Variants in WDR26 observed in about 807,000 individuals in gnomAD.
The protein encoded by WDR26 is WD repeat-containing protein 26.
A neutral mutation model predicts 84.1 loss-of-function variants in WDR26; 5 were observed. That is an observed-to-expected ratio of 0.06 (90% confidence interval 0.03 to 0.13). The LOEUF (loss-of-function observed/expected upper bound fraction) is 0.13, where lower values mean the gene tolerates loss of function less well. Ranked by LOEUF, WDR26 falls within the 10% of genes least tolerant of loss-of-function variation. The probability of loss-of-function intolerance (pLI) is 1.00; values close to 1 mark genes in which losing one functional copy is unlikely to be tolerated. For missense variants in WDR26, 642 were observed against 974.9 expected, an observed-to-expected ratio of 0.66 and a Z score of 4.55; for synonymous variants, 415 against 389.6, an observed-to-expected ratio of 1.07 and a Z score of -0.77.
chr1:224,416,657 TC>T (rs1300812227), intron 6 of WDR26, among the ~76,000 whole-genome samples: 1 of 152,210 alleles, frequency 6.6e-6, no homozygotes, highest in Admixed American at 6.5e-5. Context: ...TTGGTCATGT[TC>T]CCATAGATTC....
intron 12 of WDR26, chr1:224,397,821 G>T: frequency 2.9e-6 from 1 of 347,372 alleles, no homozygotes; most frequent in South Asian, 4.1e-5. Context: ...ACACTGCTAC[G>T]TGGTCAGAAT....
chr1:224,403,716 C>A (rs1673480471), intron 8 of WDR26, among the ~76,000 whole-genome samples: 1 of 152,210 alleles, frequency 6.6e-6, no homozygotes, highest in Non-Finnish European at 1.5e-5. Context: ...GCAGGCGGAT[C>A]ACTTTAGGTG....
intron 6 of WDR26, chr1:224,412,938 C>T (rs1335177120): frequency 6.5e-6 from 1 of 154,224 alleles, no homozygotes; most frequent in Non-Finnish European, 1.4e-5. Context: ...CGTGTAATCC[C>T]AGCACTTTGG....
intron 13 of WDR26, among the ~76,000 whole-genome samples, chr1:224,392,097 C>T (rs1673143997): frequency 6.6e-6 from 1 of 152,126 alleles, no homozygotes; most frequent in African/African-American, 2.4e-5. Context: ...CGCGGTGGCT[C>T]ATGCCTGTAA....
Position 224,431,518 on chromosome 1 carries a change from C to T in WDR26, c.886G>A (p.Gly296Ser), listed in dbSNP as rs1319814094. ...AACGTTTGAGAGATTTCAAGTGCGC[C>T]TCTTACCACAATAGCATGAGGAGAA... is the stretch of plus-strand genomic sequence containing the variant. Residue 296 changes from glycine (G) to serine (S), a missense_variant, in exon 3 of 14, where the codon GGC (glycine) becomes AGC (serine). By Grantham distance (56) the Gly-to-Ser change is moderately conservative. Transcript: ENST00000414423. 4 of 1,613,926 alleles carry T rather than the reference C, an allele frequency of 2.5e-6. No individual in the cohort carries two copies. In the African/African-American group the frequency reaches 4.0e-5, roughly 16 times the overall value.
intron 3 of WDR26, chr1:224,429,234 C>A (rs1674316432): frequency 1.3e-5 from 2 of 151,078 alleles, no homozygotes; most frequent in Non-Finnish European, 2.9e-5. Flanking sequence ...GCACTCCAGC[C>A]TGGGCGACAG....
At position 224,434,244 on chromosome 1, in the gene WDR26, C is replaced by T. The variant is rs965523675; in HGVS notation, c.162G>A (p.Pro54=). 25 of 1,374,928 alleles carry T rather than the reference C, an allele frequency of 1.8e-5. No homozygotes were observed. The highest frequency in any genetic ancestry group is 7.5e-6 in the Non-Finnish European group (8 of 1,068,386). 85.2% of individuals were successfully genotyped at this position (1,374,928 alleles called of 1,614,324 possible). Residue 54 remains proline, a synonymous_variant, in exon 1 of 14, where the codon CCG becomes CCA. Coordinates refer to ENST00000414423, the MANE Select transcript of WDR26 (RefSeq NM_001379403.1). The stretch of plus-strand genomic sequence containing the variant: ...AGGAGGAGGACGAGGACGACGAGGA[C>T]GGAGGGGAGAGGCCTGCTCTGCCTG...
chr1:224,389,681 A>G lies in WDR26; in HGVS notation c.*154T>C. On this transcript the variant is annotated 3_prime_UTR_variant, in exon 14 of 14. Coordinates refer to ENST00000414423, the MANE Select transcript of WDR26 (RefSeq NM_001379403.1). ...ACTGGTTACTATGAAGCAAGGTGTA[A>G]ATGTTTGGCCCCAATCGGGCTTCAG... The G allele has an allele frequency of 1.3e-6, 1 of 756,648 alleles. No individual in the cohort carries two copies. Among genetic ancestry groups the G allele is most frequent in the Non-Finnish European group, 2.3e-6 (1 of 443,702 alleles). 46.9% of individuals were successfully genotyped at this position (756,648 alleles called of 1,614,324 possible). A position where few individuals can be genotyped will look rare whatever the true frequency, so the allele number is the denominator to read the frequency against.
In WDR26 at chr1:224,412,331, T is replaced by TA. The variant is rs1314325839; in HGVS notation, c.1320-767dup. ...AATGGGAGCAGTAGTCTGACAGACT[T>TA]AGATTTAAATCTTGGCTCAGTCACT... On this transcript the variant is annotated intron_variant, in intron 6 of 13. Transcript: ENST00000414423. Among the ~76,000 whole-genome samples, 132 of 152,286 alleles carry TA rather than the reference T, an allele frequency of 8.7e-4. 2 individuals carry two copies. Among genetic ancestry groups the TA allele is most frequent in the Non-Finnish European group, 5.9e-5 (4 of 68,012 alleles).
At position 224,401,701 on chromosome 1, in the gene WDR26, AG is replaced by A. The variant is rs3035303; in HGVS notation, c.1600-633del. Reference sequence around the variant, plus strand: ...AAAAAAAAAAAAAAGAAAAAAAAAAAGAAAAAAGAAAAAAAAAGAGAAAAAC... The same window carrying A: ...AAAAAAAAAAAAAAGAAAAAAAAAAAAAAAAAGAAAAAAAAAGAGAAAAAC... On this transcript the variant is annotated intron_variant, in intron 8 of 13. Coordinates refer to ENST00000414423, the MANE Select transcript of WDR26 (RefSeq NM_001379403.1). 8.9e-3 allele frequency among the ~76,000 whole-genome samples: 441 copies of A among 49,364 alleles called. 9 individuals carry two copies. Among genetic ancestry groups the A allele is most frequent in the Middle Eastern group, 0.033 (2 of 60 alleles). The allele number at this position is 49,364 out of a possible 152,430, so 32.4% of individuals were successfully genotyped here. A position where few individuals can be genotyped will look rare whatever the true frequency, so the allele number is the denominator to read the frequency against.
At chr1:224,404,605 A>C (rs887273218) in intron 7 of WDR26, 35 bp from the exon 8 acceptor site, 1 of 1,576,738 alleles carries the variant, frequency 6.3e-7, no homozygotes, top group Admixed American at 1.8e-5. Context: ...GTTAACCCCT[A>C]TCACTAAAGT....
At position 224,386,178 on chromosome 1, in the gene WDR26, C is replaced by T. The variant is rs181362740; in HGVS notation, c.*3657G>A. On this transcript the variant is annotated 3_prime_UTR_variant, in exon 14 of 14. Coordinates refer to ENST00000414423, the MANE Select transcript of WDR26 (RefSeq NM_001379403.1). ...GTGTCTAAGTGTAAATGCAAATTCA[C>T]CTCTTCTTAAGTTAGCAGTTTATAT... 1.1e-4 allele frequency: 17 copies of T among 152,674 alleles called. No individual in the cohort carries two copies. In the East Asian group the frequency reaches 2.3e-3, roughly 21 times the overall value. The allele number at this position is 152,674 out of a possible 1,614,324, so 9.5% of individuals were successfully genotyped here.
intron 12 of WDR26, among the ~76,000 whole-genome samples, chr1:224,395,097 A>G (rs1193190430): frequency 1.3e-5 from 2 of 152,200 alleles, no homozygotes; most frequent in East Asian, 3.8e-4. Flanking sequence ...GAATCAGACT[A>G]CTCAACATTG....
At position 224,389,243 on chromosome 1, in the gene WDR26, A is replaced by G. The variant is rs548575311; in HGVS notation, c.*592T>C. On this transcript the variant is annotated 3_prime_UTR_variant, in exon 14 of 14. Coordinates refer to ENST00000414423, the MANE Select transcript of WDR26 (RefSeq NM_001379403.1). Reference sequence around the variant, plus strand: ...AAACTTTTTGTCAAATGTAATATTGAGAGTGCTTTTGACATAGTTCACTGG... The same window carrying G: ...AAACTTTTTGTCAAATGTAATATTGGGAGTGCTTTTGACATAGTTCACTGG... 3 of 158,936 alleles carry G rather than the reference A, an allele frequency of 1.9e-5. No homozygotes were observed. In the East Asian group the frequency reaches 5.6e-4, roughly 30 times the overall value. The allele number at this position is 158,936 out of a possible 1,614,324, so 9.8% of individuals were successfully genotyped here.
At chr1:224,399,133 G>A in intron 9 of WDR26, 99 bp from the exon 10 acceptor site, 1 of 1,195,020 alleles carries the variant, frequency 8.4e-7, no homozygotes, top group Non-Finnish European at 1.1e-6. Flanking sequence ...TTTAGTAACA[G>A]GTTTTTTTTT....
At position 224,434,204 on chromosome 1, in the gene WDR26, CGGA is replaced by C. The variant is rs144531645; in HGVS notation, c.199_201del (p.Ser67del). The C allele has an allele frequency of 3.8e-3, 4,839 of 1,268,642 alleles. 16 individuals carry two copies. The highest frequency in any genetic ancestry group is 0.025 in the African/African-American group (1,583 of 64,372). 78.6% of individuals were successfully genotyped at this position (1,268,642 alleles called of 1,614,324 possible). On this transcript the variant is annotated inframe_deletion, in exon 1 of 14. Transcript: ENST00000414423. Reference sequence around the variant, plus strand: ...GGGGGAAGTCCCACCACTACCACCACGGAGGAGGAGGAGGAGGAGGAGGACGAG... The same window carrying C: ...GGGGGAAGTCCCACCACTACCACCACGGAGGAGGAGGAGGAGGAGGACGAG...
rs1215690401 is a variant in WDR26 at position 224,434,524 on chromosome 1, A to AGAGGAGGGG, written c.-128_-120dup. On this transcript the variant is annotated 5_prime_UTR_variant, in exon 1 of 14. Coordinates refer to ENST00000414423, the MANE Select transcript of WDR26 (RefSeq NM_001379403.1). ...GGGTAGGAGGGTGAGGGTGAGGGTG[A>AGAGGAGGGG]GAGGAGGGGGAGGAGGAGGAGGGGG... is the stretch of plus-strand genomic sequence containing the variant. 1 of 96,352 alleles carries AGAGGAGGGG rather than the reference A, an allele frequency of 1.0e-5. No homozygotes were observed. The highest frequency in any genetic ancestry group is 1.5e-5 in the Non-Finnish European group (1 of 67,688). The allele number at this position is 96,352 out of a possible 1,614,324, so 6.0% of individuals were successfully genotyped here.
chr1:224,399,978 A>G (rs1572166291), intron 9 of WDR26, among the ~76,000 whole-genome samples: 1 of 152,188 alleles, frequency 6.6e-6, no homozygotes, highest in African/African-American at 2.4e-5. Flanking sequence ...TGTCTCTTAA[A>G]AAACAACAAA....
intron 7 of WDR26, among the ~76,000 whole-genome samples, chr1:224,408,604 T>TCTCG (rs1673645643): frequency 6.6e-6 from 1 of 150,440 alleles, no homozygotes. Context: ...TCTAGTCTAA[T>TCTCG]CTCCCACTCT....
Sources: allele counts gnomAD v4.1 joint callset (sites outside exome capture counted in the v4.1 genomes callset), GRCh38; gene constraint gnomAD v4.1.1; transcripts MANE v1.5; gene names NCBI Gene and HGNC (gene_info 2026-07-23, HGNC 2026-07-21).